NDRG3: variants seen among roughly 807,000 people sequenced by gnomAD.
The protein encoded by NDRG3 is NDRG family member 3.
A neutral mutation model predicts 57.2 loss-of-function variants in NDRG3; 23 were observed. That is an observed-to-expected ratio of 0.40 (90% CI 0.29 to 0.57). The LOEUF (loss-of-function observed/expected upper bound fraction) is 0.57. Among genes scored for constraint, NDRG3 ranks in the 20% least tolerant of loss-of-function variants. NDRG3 has a pLI of 0.42. For synonymous variants in NDRG3, 132 were observed against 162.6 expected, an observed-to-expected ratio of 0.81 and a Z score of 1.43; for missense variants, 384 against 457.3, an observed-to-expected ratio of 0.84 and a Z score of 1.46.
Position 36,729,471 on chromosome 20 carries a change from G to A in NDRG3, c.-48-7688C>T, listed in dbSNP as rs570915155. ...TAACATGTGACCTCATCACTGAGGAGAGATGGAGATAATCTGAGGTGAGGA... is the reference window on the plus strand; with the variant it reads ...TAACATGTGACCTCATCACTGAGGAAAGATGGAGATAATCTGAGGTGAGGA... On this transcript the variant is annotated intron_variant, in intron 1 of 15. Coordinates refer to ENST00000349004, the MANE Select transcript of NDRG3 (RefSeq NM_032013.4). Among the ~76,000 whole-genome samples the A allele has an allele frequency of 5.9e-5, 9 of 152,216 alleles. No homozygotes were observed. The South Asian group carries it at 1.9e-3, about 32-fold the overall frequency.
rs763347403 is a variant in NDRG3, at chr20:36,682,510, A to C, written c.444+8T>G. The C allele has an allele frequency of 2.5e-5, 41 of 1,612,660 alleles. No individual in the cohort carries two copies. Among genetic ancestry groups the C allele is most frequent in the Non-Finnish European group, 3.5e-5 (41 of 1,178,712 alleles). On this transcript the variant is annotated splice_region_variant and intron_variant, in intron 7 of 15. Coordinates refer to ENST00000349004, the MANE Select transcript of NDRG3 (RefSeq NM_032013.4). ...AAGGATGTTGAGGCTAATCCTCTAC[A>C]TACTTACTGCAAATCTGCTGAGGAT...
chr20:36,693,187 T>C (rs1351984964), intron 3 of NDRG3, among the ~76,000 whole-genome samples: 13 of 124,772 alleles, frequency 1.0e-4, no homozygotes, highest in East Asian at 2.5e-4. Context: ...CATATATATA[T>C]ACACACACAC....
chr20:36,717,781 C>T lies in NDRG3; in HGVS notation c.57+3898G>A, dbSNP rs1034909386. 2.0e-5 allele frequency among the ~76,000 whole-genome samples: 3 copies of T among 152,208 alleles called. No homozygotes were observed. The South Asian group carries it at 6.2e-4, about 32-fold the overall frequency. ...CAAATCTGAAGGCTTTTCCTCTATACCAGTGGTTCTTAACCAAGGAAATTT... is the reference window on the plus strand; with the variant it reads ...CAAATCTGAAGGCTTTTCCTCTATATCAGTGGTTCTTAACCAAGGAAATTT... On this transcript the variant is annotated intron_variant, in intron 2 of 15. Transcript: ENST00000349004.
chr20:36,726,685 G>A (rs1342197543), intron 1 of NDRG3, among the ~76,000 whole-genome samples: 1 of 152,060 alleles, frequency 6.6e-6, no homozygotes, highest in Non-Finnish European at 1.5e-5. Flanking sequence ...AGGCAAGTAG[G>A]GATTTTATAA....
rs372113038 is a variant in NDRG3, at chr20:36,728,923, T to C, written c.-48-7140A>G. ...TTTTAGTAGAGACAAGGTTTCACCATGTTGGCCAGGCTGGTCTCGAACTCC... is the reference window on the plus strand; with the variant it reads ...TTTTAGTAGAGACAAGGTTTCACCACGTTGGCCAGGCTGGTCTCGAACTCC... On this transcript the variant is annotated intron_variant, in intron 1 of 15. Coordinates refer to ENST00000349004, the MANE Select transcript of NDRG3 (RefSeq NM_032013.4). Among the ~76,000 whole-genome samples the C allele has an allele frequency of 1.3e-4, 20 of 152,206 alleles. No individual in the cohort carries two copies. In the East Asian group the frequency reaches 3.7e-3, roughly 28 times the overall value.
chr20:36,715,436 T>C (rs1174436928), intron 2 of NDRG3, among the ~76,000 whole-genome samples: 3 of 151,882 alleles, frequency 2.0e-5, no homozygotes, highest in African/African-American at 7.2e-5. Context: ...ACTTCATGAA[T>C]ATTCTTTGAT....
At chr20:36,697,745 C>T (rs1367901363) in intron 3 of NDRG3, among the ~76,000 whole-genome samples, 1 of 150,880 alleles carries the variant, frequency 6.6e-6, no homozygotes, top group African/African-American at 2.4e-5. Flanking sequence ...TGCATCTTTA[C>T]ATTTGTTTAC....
rs143693880 is a variant in NDRG3, at chr20:36,695,219, G to A, written c.94-6435C>T. Among the ~76,000 whole-genome samples, 1,173 of 152,068 alleles carry A rather than the reference G, an allele frequency of 7.7e-3. 15 individuals are homozygous for A. The highest frequency in any genetic ancestry group is 0.026 in the African/African-American group (1,087 of 41,450). On this transcript the variant is annotated intron_variant, in intron 3 of 15. Transcript: ENST00000349004. ...TTAATCTCTTAATGCTGTCATCTTC[G>A]TAAGCTGAGGATGTATGTCGCCTCA...
intron 2 of NDRG3, among the ~76,000 whole-genome samples, chr20:36,720,585 C>T (rs1169405060): frequency 6.6e-6 from 1 of 152,098 alleles, no homozygotes; most frequent in Non-Finnish European, 1.5e-5. Flanking sequence ...TGGTATATTA[C>T]TGACATCCAG....
intron 1 of NDRG3, among the ~76,000 whole-genome samples, chr20:36,735,501 T>C (rs745512808): frequency 6.6e-6 from 1 of 152,204 alleles, no homozygotes; most frequent in Non-Finnish European, 1.5e-5. Flanking sequence ...CATGTTTACA[T>C]TGCAGCTAGT....
intron 10 of NDRG3, among the ~76,000 whole-genome samples, 196 bp downstream of exon 10, chr20:36,666,093 G>A (rs118069503): frequency 4.4e-4 from 67 of 152,182 alleles, no homozygotes; most frequent in African/African-American, 1.5e-3. Flanking sequence ...CTCCTTACTG[G>A]CTGTATAATT....
At chr20:36,678,822 G>A (rs1439571498) in intron 8 of NDRG3, among the ~76,000 whole-genome samples, 1 of 152,218 alleles carries the variant, frequency 6.6e-6, no homozygotes, top group African/African-American at 2.4e-5. Flanking sequence ...AAATAAAACT[G>A]CTTGTCTTTT....
At chr20:36,693,139 T>TATATATATATAC (rs1982460104) in intron 3 of NDRG3, among the ~76,000 whole-genome samples, 2 of 46,978 alleles carry the variant, frequency 4.3e-5, no homozygotes, top group Non-Finnish European at 3.9e-5. Flanking sequence ...TATATATATA[T>TATATATATATAC]ATACACACAC....
intron 2 of NDRG3, among the ~76,000 whole-genome samples, chr20:36,708,583 G>A (rs1372979089): frequency 1.3e-5 from 2 of 151,056 alleles, no homozygotes; most frequent in Non-Finnish European, 2.9e-5. Context: ...AGGAGGCAGA[G>A]GTTGCGGTGA....
rs1555809932 is a variant in NDRG3 at position 36,746,085 on chromosome 20, G to GGCAGCA, written c.-90_-89insTGCTGC. 0.011 allele frequency: 237 copies of GGCAGCA among 22,388 alleles called. 4 individuals are homozygous for GGCAGCA. Among genetic ancestry groups the GGCAGCA allele is most frequent in the Non-Finnish European group, 0.011 (164 of 14,864 alleles). The allele number at this position is 22,388 out of a possible 1,614,324, so 1.4% of individuals were successfully genotyped here. On this transcript the variant is annotated 5_prime_UTR_variant, in exon 1 of 16. Transcript: ENST00000349004. ...CCGCCGTCAGTGCAGCAGCAGCGGC[G>GGCAGCA]GCGGCGGCGGCGGCGGCGGCGGCGG...
intron 8 of NDRG3, among the ~76,000 whole-genome samples, chr20:36,675,338 G>C (rs1249886200): frequency 2.1e-5 from 3 of 143,304 alleles, no homozygotes; most frequent in African/African-American, 7.7e-5. Context: ...GAGATTACAG[G>C]CATGAGCCAC....
At chr20:36,720,829 G>A (rs1398793088) in intron 2 of NDRG3, among the ~76,000 whole-genome samples, 6 of 149,702 alleles carry the variant, frequency 4.0e-5, no homozygotes, top group Non-Finnish European at 7.4e-5. Flanking sequence ...GGGGTGCAGT[G>A]GCGCAGTCTT....
At chr20:36,729,082 C>A (rs1985122090) in intron 1 of NDRG3, among the ~76,000 whole-genome samples, 1 of 152,040 alleles carries the variant, frequency 6.6e-6, no homozygotes, top group Non-Finnish European at 1.5e-5. Flanking sequence ...TGTGCCAGGC[C>A]CCATCTACTG....
At chr20:36,734,127 AG>A (rs966825094) in intron 1 of NDRG3, among the ~76,000 whole-genome samples, 5 of 152,158 alleles carry the variant, frequency 3.3e-5, no homozygotes, top group Non-Finnish European at 7.3e-5. Context: ...TGGGAGGCCA[AG>A]GCAGGCGGAT....
Sources: allele counts gnomAD v4.1 joint callset (sites outside exome capture counted in the v4.1 genomes callset), GRCh38; gene constraint gnomAD v4.1.1; transcripts MANE v1.5; gene names NCBI Gene and HGNC (gene_info 2026-07-23, HGNC 2026-07-21).